DNHD1: variants seen among roughly 807,000 people sequenced by gnomAD.
The protein encoded by DNHD1 is dynein heavy chain domain-containing protein 1.
DNHD1 carries 383 observed loss-of-function variants against 458.1 expected under a neutral mutation model. That is an observed-to-expected ratio of 0.84 (90% CI 0.77 to 0.91). The LOEUF (loss-of-function observed/expected upper bound fraction) is 0.91, where lower values mean the gene tolerates loss of function less well. Ranked by LOEUF, DNHD1 falls within the 40% of genes least tolerant of loss-of-function variation. DNHD1 has a pLI of 0.00. For missense variants in DNHD1, 5,336 were observed against 5,866.1 expected, an observed-to-expected ratio of 0.91 and a Z score of 2.95; for synonymous variants, 2,203 against 2,376.9, an observed-to-expected ratio of 0.93 and a Z score of 2.13.
chr11:6,557,578 G>A lies in DNHD1; in HGVS notation c.8283G>A (p.Lys2761=). 6.4e-7 allele frequency: 1 copy of A among 1,551,786 alleles called. No individual in the cohort carries two copies. Among genetic ancestry groups the A allele is most frequent in the South Asian group, 1.2e-5 (1 of 84,062 alleles). The change falls in exon 25 of 43, where the codon AAG becomes AAA. Residue 2761 remains lysine (K), a synonymous_variant. Transcript: ENST00000254579. ...TAGGACCAGTAAGCAGGGGGATGAA[G>A]GAAAGCATAAGTCACAAGATAAGGC... ...PSIGPVSRGM[K]ESISHKIRQE... is the part of the protein sequence containing the mutation.
rs756834910 is a variant in DNHD1, at chr11:6,544,776, C to T, written c.3853-16C>T. The T allele has an allele frequency of 1.5e-4, 225 of 1,547,812 alleles. 1 individual carries two copies. Among genetic ancestry groups the T allele is most frequent in the Non-Finnish European group, 9.6e-6 (11 of 1,143,886 alleles). ...CTTCATATTGGCCCTCACTTTTATC[C>T]TCTCCCTCACCACAGAACTCTCGTT... is the stretch of plus-strand genomic sequence containing the variant. On this transcript the variant is annotated splice_polypyrimidine_tract_variant and intron_variant, in intron 20 of 42. Transcript: ENST00000254579.
rs1853469437 is a variant in DNHD1, at chr11:6,556,736, G to A, written c.7441G>A (p.Gly2481Ser). 4.5e-6 allele frequency: 7 copies of A among 1,551,454 alleles called. No homozygotes were observed. In the East Asian group the frequency reaches 9.8e-5, roughly 22 times the overall value. ...GGAGACTCTGCGCCAGGCCATGGAT[G>A]GCACTGTGTATGCCCACAGCACCTT... The part of the protein sequence containing the change: ...VLETLRQAMD[G>S]TVYAHSTLEL... The change falls in exon 25 of 43, where the codon GGC becomes AGC. Residue 2481 changes from glycine (G) to serine (S), a missense_variant. Coordinates refer to ENST00000254579, the MANE Select transcript of DNHD1 (RefSeq NM_144666.3).
rs1213911991 is a variant in DNHD1, at chr11:6,557,418, T to G, written c.8123T>G (p.Val2708Gly). ...EEEEEERVPE[V>G]ESEGELAQWE... ...GAGGAGGAGGAGAGGGTGCCCGAAG[T>G]AGAATCTGAAGGGGAGTTGGCCCAG... The change falls in exon 25 of 43, where the codon GTA (valine) becomes GGA (glycine). Residue 2708 changes from valine (V) to glycine (G), a missense_variant. By Grantham distance (109) the Val-to-Gly change is moderately radical. Around this residue, in one of 4 missense-constraint regions of DNHD1, gnomAD observed 3,932 missense variants for 4,365.6 expected, o/e 0.90. Transcript: ENST00000254579. 1 of 1,550,980 alleles carries G rather than the reference T, an allele frequency of 6.4e-7. No homozygotes were observed. The highest frequency in any genetic ancestry group is 1.2e-5 in the South Asian group (1 of 84,038).
chr11:6,567,545 T>C lies in DNHD1; in HGVS notation c.12036T>C (p.Ala4012=), dbSNP rs754089023. ...LCASLAGHSS[A]WQAYLSLSST... is the part of the protein sequence containing the mutation. ...CCTCCCTGGCAGGCCACTCCAGTGCTTGGCAGGCTTACCTGTCACTGTCAT... is the reference window on the plus strand; with the variant it reads ...CCTCCCTGGCAGGCCACTCCAGTGCCTGGCAGGCTTACCTGTCACTGTCAT... Residue 4012 remains alanine (A), a synonymous_variant, in exon 36 of 43, where the codon GCT becomes GCC. Coordinates refer to ENST00000254579, the MANE Select transcript of DNHD1 (RefSeq NM_144666.3). 1.2e-6 allele frequency: 2 copies of C among 1,613,004 alleles called. No individual in the cohort carries two copies. Among genetic ancestry groups the C allele is most frequent in the African/African-American group, 2.7e-5 (2 of 74,920 alleles).
chr11:6,561,336 G>A (rs139952752), intron 28 of DNHD1, among the ~76,000 whole-genome samples: 2 of 152,292 alleles, frequency 1.3e-5, no homozygotes, highest in African/African-American at 4.8e-5. Flanking sequence ...TCTGAGGTGG[G>A]AGGATCACCT....
chr11:6,548,513 T>C lies in DNHD1; in HGVS notation c.7098+111T>C. Reference sequence around the variant, plus strand: ...CACTTGCTCCCTTTCTTTGATATATTTTCACAATCACAAGAATACATGAAA... The same window carrying C: ...CACTTGCTCCCTTTCTTTGATATATCTTCACAATCACAAGAATACATGAAA... On this transcript the variant is annotated intron_variant, in intron 23 of 42. Transcript: ENST00000254579. The surrounding 1 kb of genome is among the most constrained non-coding windows in gnomAD (Gnocchi z 4.4). 6.9e-7 allele frequency: 1 copy of C among 1,457,876 alleles called. No individual in the cohort carries two copies. Among genetic ancestry groups the C allele is most frequent in the Admixed American group, 2.3e-5 (1 of 43,480 alleles). The allele number at this position is 1,457,876 out of a possible 1,614,324, so 90.3% of individuals were successfully genotyped here. A position where few individuals can be genotyped will look rare whatever the true frequency, so the allele number is the denominator to read the frequency against.
chr11:6,519,783 T>C lies in DNHD1; in HGVS notation c.1576T>C (p.Tyr526His), dbSNP rs367637679. ...QLGKFARLVD[Y>H]MICQSLISVL... ...GGGAAAGTTTGCCCGCCTGGTTGAC[T>C]ACATGATTTGTCAGAGCCTCATTTC... is the stretch of plus-strand genomic sequence containing the variant. The change falls in exon 8 of 43, where the codon TAC becomes CAC. Residue 526 changes from tyrosine (Y) to histidine (H), a missense_variant. Coordinates refer to ENST00000254579, the MANE Select transcript of DNHD1 (RefSeq NM_144666.3). 1.2e-6 allele frequency: 2 copies of C among 1,613,700 alleles called. No individual in the cohort carries two copies. The highest frequency in any genetic ancestry group is 1.7e-5 in the Admixed American group (1 of 60,002).
At position 6,546,049 on chromosome 11, in the gene DNHD1, C is replaced by G. The variant is rs1008003197; in HGVS notation, c.5110C>G (p.Leu1704Val). 6.4e-7 allele frequency: 1 copy of G among 1,551,240 alleles called. No individual in the cohort carries two copies. The stretch of plus-strand genomic sequence containing the variant: ...TATAGTGAACAGCCTGGCACAGGCC[C>G]TGGGCCGCCAGCTGGTGATGCTACC... ...RAIVNSLAQA[L>V]GRQLVMLPCS... The change falls in exon 21 of 43, where the codon CTG becomes GTG. Residue 1704 changes from leucine to valine, a missense_variant. Coordinates refer to ENST00000254579, the MANE Select transcript of DNHD1 (RefSeq NM_144666.3).
At chr11:6,536,111 A>C (rs1165185963) in intron 14 of DNHD1, among the ~76,000 whole-genome samples, 3 of 152,128 alleles carry the variant, frequency 2.0e-5, no homozygotes, top group Non-Finnish European at 4.4e-5. Context: ...AAAACCATAA[A>C]AACACAACAT....
chr11:6,507,096 A>G (rs1443971090), intron 4 of DNHD1, among the ~76,000 whole-genome samples: 1 of 152,304 alleles, frequency 6.6e-6, no homozygotes, highest in Non-Finnish European at 1.5e-5. Flanking sequence ...ACTCTCTAGT[A>G]TCATGTCATA....
At position 6,562,920 on chromosome 11, in the gene DNHD1, C is replaced by A. The variant is rs1467299687; in HGVS notation, c.9520-62C>A. On this transcript the variant is annotated intron_variant, in intron 28 of 42. Coordinates refer to ENST00000254579, the MANE Select transcript of DNHD1 (RefSeq NM_144666.3). Reference sequence around the variant, plus strand: ...TGCTACAGTTCCAGGATCATAGGGTCTTCTGGGGTTTCCCGCGTGGCCCAA... The same window carrying A: ...TGCTACAGTTCCAGGATCATAGGGTATTCTGGGGTTTCCCGCGTGGCCCAA... 4.0e-6 allele frequency: 6 copies of A among 1,517,580 alleles called. No individual in the cohort carries two copies. The Admixed American group carries it at 6.1e-5, about 16-fold the overall frequency. 94.0% of individuals were successfully genotyped at this position (1,517,580 alleles called of 1,614,324 possible). A position where few individuals can be genotyped will look rare whatever the true frequency, so the allele number is the denominator to read the frequency against.
At chr11:6,504,666 C>T (rs189298558) in intron 4 of DNHD1, among the ~76,000 whole-genome samples, 68 of 152,252 alleles carry the variant, frequency 4.5e-4, no homozygotes, top group African/African-American at 1.4e-3. Flanking sequence ...TCAGGCTGGT[C>T]TTGAACTCCT....
chr11:6,537,491 A>G (rs1852978921), intron 14 of DNHD1, among the ~76,000 whole-genome samples: 1 of 152,164 alleles, frequency 6.6e-6, no homozygotes. Context: ...AAGACAATAA[A>G]CAATGATGAT....
chr11:6,528,394 G>T lies in DNHD1; in HGVS notation c.1838-128G>T. The T allele has an allele frequency of 3.7e-6, 4 of 1,074,476 alleles. No individual in the cohort carries two copies. The South Asian group carries it at 7.0e-5, about 19-fold the overall frequency. 66.6% of individuals were successfully genotyped at this position (1,074,476 alleles called of 1,614,324 possible). On this transcript the variant is annotated intron_variant, in intron 10 of 42. Transcript: ENST00000254579. ...GATGTATGTGTTAACTCACTCATGA[G>T]CAGCGAATGGGTGTGTGTGTGTGTG...
intron 32 of DNHD1, 30 bp downstream of exon 32, chr11:6,564,834 C>T (rs779687482): frequency 2.1e-5 from 30 of 1,462,018 alleles, no homozygotes; most frequent in Middle Eastern, 1.8e-4. Context: ...GCAATGCTTC[C>T]GGAGTATCTG....
chr11:6,522,836 T>C (rs1852631562), intron 10 of DNHD1, among the ~76,000 whole-genome samples: 1 of 152,192 alleles, frequency 6.6e-6, no homozygotes, highest in African/African-American at 2.4e-5. Context: ...AATGTATACA[T>C]TGACTAGATT....
chr11:6,565,656 C>A, intron 32 of DNHD1, 39 bp from the exon 33 acceptor site: 1 of 1,498,432 alleles, frequency 6.7e-7, no homozygotes, highest in Non-Finnish European at 8.9e-7. Flanking sequence ...AGTCTGATTC[C>A]TCCCCTAAGA....
intron 12 of DNHD1, among the ~76,000 whole-genome samples, chr11:6,531,248 A>C (rs1231474774): frequency 6.6e-6 from 1 of 152,168 alleles, no homozygotes; most frequent in Non-Finnish European, 1.5e-5. Context: ...AAATGGCGTA[A>C]TTATACACTC....
rs1354630366 is a variant in DNHD1 at position 6,558,713 on chromosome 11, C to T, written c.9211+20C>T. On this transcript the variant is annotated intron_variant, in intron 26 of 42. Transcript: ENST00000254579. Reference sequence around the variant, plus strand: ...ATGACGGTAAGCCCTTTTTACTTGTCCTTACCACTCATCTCTACCAGGCTC... The same window carrying T: ...ATGACGGTAAGCCCTTTTTACTTGTTCTTACCACTCATCTCTACCAGGCTC... 5.8e-6 allele frequency: 9 copies of T among 1,545,702 alleles called. No individual in the cohort carries two copies. The highest frequency in any genetic ancestry group is 3.9e-5 in the Admixed American group (2 of 50,996).
Sources: allele counts gnomAD v4.1 joint callset (sites outside exome capture counted in the v4.1 genomes callset), GRCh38; gene constraint gnomAD v4.1.1; regional missense constraint gnomAD v4.1.1; non-coding constraint Gnocchi (gnomAD v3.1); transcripts MANE v1.5; gene names NCBI Gene and HGNC (gene_info 2026-07-23, HGNC 2026-07-21).